The following AKR7A2 variants were observed in gnomAD, a reference collection of about 807,000 sequenced individuals.
AKR7A2 encodes the protein aflatoxin B1 aldehyde reductase member 2.
In AKR7A2, 29 loss-of-function variants were observed where a neutral mutation model predicts 37.3. The observed-to-expected ratio is 0.78, with a 90% confidence interval of 0.58 to 1.06. The LOEUF (loss-of-function observed/expected upper bound fraction) is 1.06, where lower values mean the gene tolerates loss of function less well. AKR7A2 is among the 50% of genes least tolerant of loss of function. AKR7A2 has a pLI of 0.00. For missense variants in AKR7A2, 529 were observed against 497.9 expected (o/e 1.06, Z -0.59); for synonymous variants, 228 against 217.8 (o/e 1.05, Z -0.41).
intron 2 of AKR7A2, 40 bp downstream of exon 2, chr1:19,308,415 G>A (rs1558139090): frequency 1.2e-6 from 2 of 1,608,556 alleles, no homozygotes; most frequent in Non-Finnish European, 1.7e-6. Flanking sequence ...ATAAAGAAAG[G>A]AGCAGGAGCC....
chr1:19,311,899 T>C lies in AKR7A2; in HGVS notation c.226A>G (p.Met76Val), dbSNP rs567647567. Residue 76 changes from methionine to valine, a missense_variant, in exon 1 of 7, where the codon ATG becomes GTG. Transcript: ENST00000235835. Reference protein sequence around the residue: ...RGHTELDTAFMYSDGQSETIL... With the variant: ...RGHTELDTAFVYSDGQSETIL... ...GTCTCGGACTGGCCGTCGCTGTACA[T>C]GAAGGCCGTGTCCAGTTCGGTGTGG... 6.2e-6 allele frequency: 10 copies of C among 1,610,574 alleles called. No homozygotes were observed. Among genetic ancestry groups the C allele is most frequent in the East Asian group, 4.5e-5 (2 of 44,866 alleles).
chr1:19,309,416 A>C (rs565914229), intron 1 of AKR7A2, among the ~76,000 whole-genome samples: 10 of 152,312 alleles, frequency 6.6e-5, no homozygotes, highest in African/African-American at 2.4e-4. Context: ...AGCCACATAA[A>C]TGTGGCCCAG....
intron 1 of AKR7A2, among the ~76,000 whole-genome samples, chr1:19,309,076 A>G (rs541266280): frequency 6.6e-6 from 1 of 152,364 alleles, no homozygotes; most frequent in East Asian, 1.9e-4. Context: ...TCACTCCCAG[A>G]GTCCCAGCCA....
chr1:19,308,079 G>C, intron 3 of AKR7A2, 79 bp downstream of exon 3: 2 of 1,566,552 alleles, frequency 1.3e-6, no homozygotes, highest in South Asian at 2.2e-5. Flanking sequence ...GACGGCACAG[G>C]GGGCAGTCAG....
chr1:19,308,089 G>C (rs778484392), intron 3 of AKR7A2, 69 bp downstream of exon 3: 3 of 1,592,000 alleles, frequency 1.9e-6, no homozygotes, highest in Admixed American at 1.7e-5. Flanking sequence ...GGGGCAGTCA[G>C]GGGGGCAAAG....
rs1364140294 is a variant in AKR7A2 at position 19,308,596 on chromosome 1, C to A, written c.345G>T (p.Lys115Asn). The A allele has an allele frequency of 6.2e-7, 1 of 1,614,054 alleles. No individual in the cohort carries two copies. The highest frequency in any genetic ancestry group is 1.3e-5 in the African/African-American group (1 of 74,928). The change falls in exon 2 of 7, where the codon AAG (lysine) becomes AAT (asparagine). Residue 115 changes from lysine to asparagine, a missense_variant. Physicochemically the swap from Lys to Asn is moderately conservative, Grantham distance 94. Coordinates refer to ENST00000235835, the MANE Select transcript of AKR7A2 (RefSeq NM_003689.4). Reference protein sequence around the residue: ...KANPWDGKSLKPDSVRSQLET... With the variant: ...KANPWDGKSLNPDSVRSQLET... The stretch of plus-strand genomic sequence containing the variant: ...CCAGCTGGGACCGGACACTGTCAGG[C>A]TTTAGTGATTTTCCATCCCAAGGGT...
At chr1:19,311,773 G>A (rs2151991623) in intron 1 of AKR7A2, 54 bp downstream of exon 1, 1 of 1,604,560 alleles carries the variant, frequency 6.2e-7, no homozygotes, top group Middle Eastern at 2.3e-4. Context: ...GTGCACGGCT[G>A]GGGACAGGCT....
At chr1:19,303,192 C>T (rs953472566), downstream of AKR7A2, among the ~76,000 whole-genome samples, 9 of 152,078 alleles carry the variant, frequency 5.9e-5, no homozygotes, top group Non-Finnish European at 1.0e-4. Context: ...CCTTGAGCCC[C>T]GGAGGTCAAA....
At chr1:19,310,775 G>A (rs1569699821) in intron 1 of AKR7A2, among the ~76,000 whole-genome samples, 2 of 152,126 alleles carry the variant, frequency 1.3e-5, no homozygotes, top group Middle Eastern at 3.4e-3. Flanking sequence ...CCCCCCAAGC[G>A]CTATGACTCA....
Position 19,312,031 on chromosome 1 carries a change from G to C in AKR7A2, c.94C>G (p.Arg32Gly). 4 of 1,409,870 alleles carry C rather than the reference G, an allele frequency of 2.8e-6. No homozygotes were observed. Among genetic ancestry groups the C allele is most frequent in the Non-Finnish European group, 3.7e-6 (4 of 1,089,236 alleles). 87.3% of individuals were successfully genotyped at this position (1,409,870 alleles called of 1,614,324 possible). Residue 32 changes from arginine to glycine, a missense_variant, in exon 1 of 7, where the codon CGG (arginine) becomes GGG (glycine). By Grantham distance (125) the Arg-to-Gly change is moderately radical. Transcript: ENST00000235835. ...PPEARALAMS[R>G]PPPPRVASVL... ...GAGGCGACCCGCGGTGGCGGTGGCC[G>C]GGACATGGCGAGCGCGCGGGCCTCG...
chr1:19,304,751 CAGAG>C (rs1197888845), intron 6 of AKR7A2, among the ~76,000 whole-genome samples: 5 of 152,068 alleles, frequency 3.3e-5, no homozygotes, highest in African/African-American at 1.2e-4. Context: ...GCCTGGGCAA[CAGAG>C]AGAGACTCTG....
At chr1:19,311,418 G>C (rs2093774852) in intron 1 of AKR7A2, among the ~76,000 whole-genome samples, 1 of 152,236 alleles carries the variant, frequency 6.6e-6, no homozygotes, top group South Asian at 2.1e-4. Flanking sequence ...TCAAATTCTA[G>C]TGGTTAAGAA....
rs371816703 is a variant in AKR7A2, at chr1:19,309,614, T to C, written c.299-972A>G. On this transcript the variant is annotated intron_variant, in intron 1 of 6. Coordinates refer to ENST00000235835, the MANE Select transcript of AKR7A2 (RefSeq NM_003689.4). Reference sequence around the variant, plus strand: ...GTTAATTCTGCACTATTCTTTCCCCTATAAAGAACCCCAGCTGTTGGTCCA... The same window carrying C: ...GTTAATTCTGCACTATTCTTTCCCCCATAAAGAACCCCAGCTGTTGGTCCA... Among the ~76,000 whole-genome samples, 36 of 152,324 alleles carry C rather than the reference T, an allele frequency of 2.4e-4. 1 individual carries two copies. The East Asian group carries it at 6.6e-3, about 28-fold the overall frequency.
chr1:19,309,068 A>T (rs778014338), intron 1 of AKR7A2, among the ~76,000 whole-genome samples: 5 of 152,144 alleles, frequency 3.3e-5, no homozygotes, highest in Non-Finnish European at 7.3e-5. Context: ...CTAGGGGATC[A>T]CTCCCAGAGT....
chr1:19,303,159 C>T (rs976179160), downstream of AKR7A2, among the ~76,000 whole-genome samples: 7 of 152,220 alleles, frequency 4.6e-5, no homozygotes, highest in East Asian at 3.9e-4. Flanking sequence ...AAAAACTTCT[C>T]GGGAGGCTGA....
chr1:19,309,001 CA>C (rs753160429), intron 1 of AKR7A2, among the ~76,000 whole-genome samples: 2 of 152,088 alleles, frequency 1.3e-5, no homozygotes, highest in Non-Finnish European at 2.9e-5. Flanking sequence ...CACACGATGC[CA>C]AGGAGCCCAG....
Position 19,308,495 on chromosome 1 carries a change from A to G in AKR7A2, c.446T>C (p.Val149Ala), listed in dbSNP as rs763285242. ...YLHAPDHGTP[V>A]EETLHACQRL... ...CTGGCAGGCATGCAGCGTCTCTTCC[A>G]CCGGGGTGCCGTGGTCAGGTGCGTG... Residue 149 changes from valine to alanine, a missense_variant, in exon 2 of 7, where the codon GTG (valine) becomes GCG (alanine). Val to Ala is a moderately conservative substitution (Grantham distance 64, BLOSUM62 0). Coordinates refer to ENST00000235835, the MANE Select transcript of AKR7A2 (RefSeq NM_003689.4). The G allele has an allele frequency of 9.9e-6, 16 of 1,614,008 alleles. No homozygotes were observed. The highest frequency in any genetic ancestry group is 1.6e-4 in the Middle Eastern group (1 of 6,062).
At position 19,303,985 on chromosome 1, in the gene AKR7A2, C is replaced by G; in HGVS notation, c.*240G>C. 1.6e-6 allele frequency: 1 copy of G among 626,752 alleles called. No individual in the cohort carries two copies. Among genetic ancestry groups the G allele is most frequent in the Non-Finnish European group, 2.8e-6 (1 of 360,114 alleles). 38.8% of individuals were successfully genotyped at this position (626,752 alleles called of 1,614,324 possible). A position where few individuals can be genotyped will look rare whatever the true frequency, so the allele number is the denominator to read the frequency against. On this transcript the variant is annotated 3_prime_UTR_variant, in exon 7 of 7. Transcript: ENST00000235835. ...GCAAGTTTTTGGGGTTCACTCAAGA[C>G]CTAGGCTACAGCCAGGTCAAGTGCC...
At chr1:19,311,312 C>T (rs1165390682) in intron 1 of AKR7A2, among the ~76,000 whole-genome samples, 1 of 152,228 alleles carries the variant, frequency 6.6e-6, no homozygotes, top group African/African-American at 2.4e-5. Context: ...CACCCTGACC[C>T]GTCCGCACTC....
Sources: allele counts gnomAD v4.1 joint callset (sites outside exome capture counted in the v4.1 genomes callset), GRCh38; gene constraint gnomAD v4.1.1; transcripts MANE v1.5; gene names NCBI Gene and HGNC (gene_info 2026-07-23, HGNC 2026-07-21).